VRTN: variants seen among roughly 807,000 people sequenced by gnomAD.
VRTN encodes the protein vertnin.
A neutral mutation model predicts 18.2 loss-of-function variants in VRTN; 5 were observed. The observed-to-expected ratio is 0.27, with a 90% CI of 0.14 to 0.58. The LOEUF is 0.58. Ranked by LOEUF, VRTN falls within the 20% of genes least tolerant of loss-of-function variation. The pLI, the probability that VRTN is intolerant of heterozygous loss-of-function variation, is 0.91. For synonymous variants in VRTN, 381 were observed against 393.7 expected, an observed-to-expected ratio of 0.97 and a Z score of 0.38; for missense variants, 741 against 939.4, an observed-to-expected ratio of 0.79 and a Z score of 2.76.
At chr14:74,345,008 A>G (rs1158468529), upstream of VRTN, among the ~76,000 whole-genome samples, 1 of 152,128 alleles carries the variant, frequency 6.6e-6, no homozygotes, top group East Asian at 1.9e-4. Flanking sequence ...AAAAGAGCTG[A>G]AATTTGAATC....
rs1486698068 is a variant in VRTN, at chr14:74,357,428, C to T, written c.645C>T (p.Pro215=). 1.2e-6 allele frequency: 2 copies of T among 1,612,580 alleles called. No homozygotes were observed. The highest frequency in any genetic ancestry group is 1.7e-6 in the Non-Finnish European group (2 of 1,180,040). The change falls in exon 2 of 2, where the codon CCC becomes CCT. Residue 215 remains proline, a synonymous_variant. Transcript: ENST00000256362. This position sits in a 1 kb window ranked among gnomAD's most constrained non-coding sequence, Gnocchi z 7.8. ...VIRPRRCDHV[P]STLHIMWAGQ... ...GGCCCCGCCGCTGCGACCACGTGCC[C>T]TCCACGCTGCACATCATGTGGGCTG... is the stretch of plus-strand genomic sequence containing the variant.
chr14:74,320,795 T>C (rs2085450996), intron 1 of VRTN, among the ~76,000 whole-genome samples: 1 of 142,756 alleles, frequency 7.0e-6, no homozygotes. Flanking sequence ...ACCATCTTGG[T>C]CAGGCAGGTC....
chr14:74,318,328 T>C (rs995641757), intron 1 of VRTN, among the ~76,000 whole-genome samples: 3 of 151,272 alleles, frequency 2.0e-5, no homozygotes, highest in Admixed American at 2.0e-4. Flanking sequence ...TGGAGCGCAA[T>C]GGCGTGATCT....
intron 1 of VRTN, among the ~76,000 whole-genome samples, chr14:74,304,396 T>G (rs151114968): frequency 9.2e-5 from 14 of 152,282 alleles, no homozygotes; most frequent in African/African-American, 3.1e-4. Context: ...CCTCAGGTGA[T>G]CCACCCACCT....
intron 1 of VRTN, among the ~76,000 whole-genome samples, chr14:74,313,455 T>C (rs2085401231): frequency 6.6e-6 from 1 of 152,252 alleles, no homozygotes. Flanking sequence ...CTGCTTAATC[T>C]AAAATTTATC....
chr14:74,318,083 C>A (rs2085429031), intron 1 of VRTN, among the ~76,000 whole-genome samples: 1 of 152,012 alleles, frequency 6.6e-6, no homozygotes, highest in Non-Finnish European at 1.5e-5. Context: ...TGTGCCACTG[C>A]ACTCCAGCCT....
rs548977064 is a variant in VRTN at position 74,332,314 on chromosome 14, C to T, written c.-163-5409C>T. On this transcript the variant is annotated intron_variant, in intron 1 of 2. Transcript: ENST00000557177. ...CAGGACAAGTCTACCTTTCCCCCTC[C>T]GGAGGATCGACTCCTAATCTGTTTT... Among the ~76,000 whole-genome samples, 43 of 139,086 alleles carry T rather than the reference C, an allele frequency of 3.1e-4. 1 individual carries two copies. In the East Asian group the frequency reaches 7.8e-3, roughly 25 times the overall value. The allele number at this position is 139,086 out of a possible 152,430, so 91.2% of individuals were successfully genotyped here. A position where few individuals can be genotyped will look rare whatever the true frequency, so the allele number is the denominator to read the frequency against.
intron 2 of VRTN, among the ~76,000 whole-genome samples, chr14:74,343,042 GATT>G (rs2085618806): frequency 6.6e-6 from 1 of 152,128 alleles, no homozygotes; most frequent in African/African-American, 2.4e-5. Context: ...GATTGACAAA[GATT>G]ATAAAACACT....
At chr14:74,320,255 T>TCC (rs2085444960) in intron 1 of VRTN, among the ~76,000 whole-genome samples, 3 of 119,628 alleles carry the variant, frequency 2.5e-5, no homozygotes, top group African/African-American at 9.8e-5. Context: ...ATCCCTTTTT[T>TCC]TTTTTTTTTT....
At chr14:74,347,975 G>T (rs1160506642), upstream of VRTN, among the ~76,000 whole-genome samples, 1 of 152,206 alleles carries the variant, frequency 6.6e-6, no homozygotes, top group African/African-American at 2.4e-5. Flanking sequence ...ACTGCCCCAT[G>T]ATGGGGCCGT....
At chr14:74,327,915 T>C (rs2085497943) in intron 1 of VRTN, among the ~76,000 whole-genome samples, 1 of 151,926 alleles carries the variant, frequency 6.6e-6, no homozygotes, top group Admixed American at 6.6e-5. Context: ...GAGACAGGGT[T>C]TCACAATGTT....
At chr14:74,340,127 T>TC (rs1459132862) in intron 2 of VRTN, among the ~76,000 whole-genome samples, 2 of 151,308 alleles carry the variant, frequency 1.3e-5, no homozygotes, top group East Asian at 1.9e-4. Context: ...TTTTTTTTTT[T>TC]TTGAGACGGA....
chr14:74,316,479 C>G (rs149368081), intron 1 of VRTN, among the ~76,000 whole-genome samples: 1 of 151,788 alleles, frequency 6.6e-6, no homozygotes, highest in Non-Finnish European at 1.5e-5. Context: ...CGCCACTGCA[C>G]TCCAGCCTGG....
chr14:74,333,854 A>G (rs2140203264), intron 1 of VRTN, among the ~76,000 whole-genome samples: 1 of 145,974 alleles, frequency 6.9e-6, no homozygotes, highest in Admixed American at 6.7e-5. Flanking sequence ...AAAAATAAAT[A>G]AAAATAAATA....
intron 1 of VRTN, among the ~76,000 whole-genome samples, chr14:74,320,300 G>T (rs1454525563): frequency 8.7e-6 from 1 of 115,556 alleles, no homozygotes; most frequent in African/African-American, 3.4e-5. Context: ...TCGCTCTGTC[G>T]CCCAGGCTGG....
chr14:74,336,735 T>C (rs1595170211), intron 1 of VRTN, among the ~76,000 whole-genome samples: 1 of 152,244 alleles, frequency 6.6e-6, no homozygotes, highest in East Asian at 1.9e-4. Context: ...ATCGTGCCAT[T>C]GCACTCCAGC....
intron 2 of VRTN, among the ~76,000 whole-genome samples, chr14:74,338,349 C>T (rs1002488687): frequency 2.0e-5 from 3 of 152,138 alleles, no homozygotes; most frequent in East Asian, 1.9e-4. Flanking sequence ...CTCTGAGAAA[C>T]GCCAGTACCC....
In VRTN at chr14:74,358,312, G is replaced by A. The variant is rs376151213; in HGVS notation, c.1529G>A (p.Arg510His). The A allele has an allele frequency of 6.4e-5, 103 of 1,611,568 alleles. 2 individuals carry two copies. In the South Asian group the frequency reaches 7.5e-4, roughly 12 times the overall value. The change falls in exon 2 of 2, where the codon CGT (arginine) becomes CAT (histidine). Residue 510 changes from arginine (R) to histidine (H), a missense_variant. Around this residue, in one of 3 missense-constraint regions of VRTN, gnomAD observed 494 missense variants for 546.5 expected, o/e 0.90. Transcript: ENST00000256362. This position sits in a 1 kb window ranked among gnomAD's most constrained non-coding sequence, Gnocchi z 5.4. ...ATGCCCCTGTCCCGTTGGCAGAGGC[G>A]TCTGCGCAGGGCTGCCCGCAGGCAG... ...LRMPLSRWQR[R>H]LRRAARRQVL...
rs1238682806 is a variant in VRTN at position 74,357,644 on chromosome 14, G to A, written c.861G>A (p.Glu287=). ...GCCTCAGCTACTCTCACCTCTGTGA[G>A]CGCTACAGCGTCACCAAAAGCACCT... is the stretch of plus-strand genomic sequence containing the variant. ...EPGLSYSHLC[E]RYSVTKSTFY... is the part of the protein sequence containing the mutation. The change falls in exon 2 of 2, where the codon GAG becomes GAA. Residue 287 remains glutamate (E), a synonymous_variant. Transcript: ENST00000256362. This position sits in a 1 kb window ranked among gnomAD's most constrained non-coding sequence, Gnocchi z 7.8. 6.2e-7 allele frequency: 1 copy of A among 1,613,944 alleles called. No homozygotes were observed. The highest frequency in any genetic ancestry group is 1.3e-5 in the African/African-American group (1 of 75,070).
Sources: allele counts gnomAD v4.1 joint callset (sites outside exome capture counted in the v4.1 genomes callset), GRCh38; gene constraint gnomAD v4.1.1; regional missense constraint gnomAD v4.1.1; non-coding constraint Gnocchi (gnomAD v3.1); transcripts MANE v1.5; gene names NCBI Gene and HGNC (gene_info 2026-07-23, HGNC 2026-07-21).